GHRH: variants seen among roughly 807,000 people sequenced by gnomAD.
The protein encoded by GHRH is growth hormone releasing hormone.
A neutral mutation model predicts 15.6 loss-of-function variants in GHRH; 7 were observed. The observed-to-expected ratio is 0.45, with a 90% CI of 0.26 to 0.84. The LOEUF (loss-of-function observed/expected upper bound fraction) is 0.84, where lower values mean the gene tolerates loss of function less well. GHRH is among the 40% of genes least tolerant of loss of function. GHRH has a pLI of 0.18. For missense variants in GHRH, 117 were observed against 138.0 expected (o/e 0.85, Z 0.76); for synonymous variants, 54 against 50.4 (o/e 1.07, Z -0.30).
chr20:37,255,761 G>A (rs1181201452), intron 3 of GHRH, among the ~76,000 whole-genome samples: 3 of 151,898 alleles, frequency 2.0e-5, no homozygotes, highest in Non-Finnish European at 2.9e-5. Context: ...TGGGCAAGGT[G>A]GCTCACAACT....
chr20:37,256,719 C>A, intron 2 of GHRH, 88 bp downstream of exon 2: 1 of 1,067,562 alleles, frequency 9.4e-7, no homozygotes, highest in Non-Finnish European at 1.4e-6. Flanking sequence ...CAGGGCCCAG[C>A]TGATGGGCTG....
At chr20:37,257,965 A>T (rs768413902) in intron 1 of GHRH, among the ~76,000 whole-genome samples, 29 of 152,202 alleles carry the variant, frequency 1.9e-4, no homozygotes, top group Non-Finnish European at 3.8e-4. Context: ...CTTGCTCCAG[A>T]TGCTTAGATT....
In GHRH at chr20:37,260,399, C is replaced by CAAA. The variant is rs765888530; in HGVS notation, c.-20+1341_-20+1343dup. ...GCAACATGGCGAGACCCCATCTCTA[C>CAAA]AAAAAAAAAAACACACAAAACAAAA... On this transcript the variant is annotated intron_variant, in intron 1 of 4. Transcript: ENST00000373614. Among the ~76,000 whole-genome samples, 641 of 136,200 alleles carry CAAA rather than the reference C, an allele frequency of 4.7e-3. 4 individuals are homozygous for CAAA. Among genetic ancestry groups the CAAA allele is most frequent in the Admixed American group, 0.014 (187 of 13,782 alleles). 89.4% of individuals were successfully genotyped at this position (136,200 alleles called of 152,430 possible). A position where few individuals can be genotyped will look rare whatever the true frequency, so the allele number is the denominator to read the frequency against.
intron 1 of GHRH, among the ~76,000 whole-genome samples, chr20:37,257,371 C>G (rs1174069156): frequency 1.3e-5 from 2 of 152,070 alleles, no homozygotes; most frequent in Admixed American, 6.6e-5. Flanking sequence ...AAAAATAAGA[C>G]AGGAGTGGTG....
chr20:37,258,648 T>G lies in GHRH; in HGVS notation c.-19-1740A>C, dbSNP rs1257506248. On this transcript the variant is annotated intron_variant, in intron 1 of 4. Coordinates refer to ENST00000373614, the MANE Select transcript of GHRH (RefSeq NM_021081.6). This position sits in a 1 kb window ranked among gnomAD's most constrained non-coding sequence, Gnocchi z 4.1. ...GCATCCCCACAACACGCACACTGGCTGTCCTCCACTTCCTGCTCGAGTGAG... is the reference window on the plus strand; with the variant it reads ...GCATCCCCACAACACGCACACTGGCGGTCCTCCACTTCCTGCTCGAGTGAG... Among the ~76,000 whole-genome samples the G allele has an allele frequency of 6.6e-6, 1 of 152,236 alleles. No homozygotes were observed. Among genetic ancestry groups the G allele is most frequent in the Admixed American group, 6.5e-5 (1 of 15,290 alleles).
intron 3 of GHRH, among the ~76,000 whole-genome samples, chr20:37,254,622 A>C (rs1014734827): frequency 4.6e-5 from 7 of 152,194 alleles, no homozygotes. Context: ...CCATCTACCA[A>C]TAATCCACCA....
intron 1 of GHRH, among the ~76,000 whole-genome samples, chr20:37,260,380 T>C (rs1335145795): frequency 6.8e-6 from 1 of 147,166 alleles, no homozygotes; most frequent in Non-Finnish European, 1.5e-5. Context: ...CTGAGCAACA[T>C]GGCGAGACCC....
chr20:37,260,383 C>G (rs866241947), intron 1 of GHRH, among the ~76,000 whole-genome samples: 1 of 147,964 alleles, frequency 6.8e-6, no homozygotes, highest in East Asian at 1.9e-4. Context: ...AGCAACATGG[C>G]GAGACCCCAT....
At chr20:37,251,318 C>T (rs1240489217) in intron 4 of GHRH, 87 bp from the exon 5 acceptor site, 5 of 1,084,670 alleles carry the variant, frequency 4.6e-6, no homozygotes, top group East Asian at 5.2e-5. Context: ...GACGGGTGCT[C>T]CCGTGACAGG....
chr20:37,261,546 A>C (rs2068687433), intron 1 of GHRH, among the ~76,000 whole-genome samples, 197 bp downstream of exon 1: 1 of 152,158 alleles, frequency 6.6e-6, no homozygotes, highest in South Asian at 2.1e-4. Context: ...ACAAGCCCCA[A>C]ACAGCACCAT....
At chr20:37,256,969 G>A in intron 1 of GHRH, 61 bp from the exon 2 acceptor site, 1 of 1,039,974 alleles carries the variant, frequency 9.6e-7, no homozygotes. Context: ...GGCCTTCACT[G>A]GCCCAGCCCT....
chr20:37,256,604 TC>T, intron 2 of GHRH, 106 bp from the exon 3 acceptor site: 1 of 776,694 alleles, frequency 1.3e-6, no homozygotes, highest in Non-Finnish European at 2.1e-6. Context: ...TTGCCATCTG[TC>T]CCACTCACCC....
chr20:37,256,292 C>T, intron 3 of GHRH, 102 bp downstream of exon 3: 2 of 663,806 alleles, frequency 3.0e-6, no homozygotes, highest in East Asian at 5.6e-5. Context: ...ACTTGCTGTG[C>T]CAAGGAAGAG....
chr20:37,254,200 A>C lies in GHRH; in HGVS notation c.308+10T>G. The C allele has an allele frequency of 6.2e-7, 1 of 1,614,100 alleles. No homozygotes were observed. The highest frequency in any genetic ancestry group is 8.5e-7 in the Non-Finnish European group (1 of 1,179,990). ...AGTCCCTAGATGCACCCATGCACAC[A>C]CACCCATACCTGTGCTTCTGCAGCA... On this transcript the variant is annotated intron_variant, in intron 4 of 4. Coordinates refer to ENST00000373614, the MANE Select transcript of GHRH (RefSeq NM_021081.6).
At position 37,258,632 on chromosome 20, in the gene GHRH, CA is replaced by C. The variant is rs568307051; in HGVS notation, c.-19-1725del. Reference sequence around the variant, plus strand: ...TCCCTCCATGACATGAGCATCCCCACAACACGCACACTGGCTGTCCTCCACT... The same window carrying C: ...TCCCTCCATGACATGAGCATCCCCACACACGCACACTGGCTGTCCTCCACT... On this transcript the variant is annotated intron_variant, in intron 1 of 4. Coordinates refer to ENST00000373614, the MANE Select transcript of GHRH (RefSeq NM_021081.6). This position sits in a 1 kb window ranked among gnomAD's most constrained non-coding sequence, Gnocchi z 4.1. 1.8e-3 allele frequency among the ~76,000 whole-genome samples: 273 copies of C among 152,368 alleles called. 2 individuals are homozygous for C. Among genetic ancestry groups the C allele is most frequent in the Admixed American group, 0.014 (208 of 15,306 alleles).
chr20:37,258,684 C>G lies in GHRH; in HGVS notation c.-19-1776G>C, dbSNP rs2068671700. On this transcript the variant is annotated intron_variant, in intron 1 of 4. Transcript: ENST00000373614. This position sits in a 1 kb window ranked among gnomAD's most constrained non-coding sequence, Gnocchi z 4.1. The stretch of plus-strand genomic sequence containing the variant: ...TCCTGCTCGAGTGAGCACTTGCTGC[C>G]AGCGAATGACAGGGATCTCACTACC... Among the ~76,000 whole-genome samples, 1 of 152,192 alleles carries G rather than the reference C, an allele frequency of 6.6e-6. No individual in the cohort carries two copies. The highest frequency in any genetic ancestry group is 2.4e-5 in the African/African-American group (1 of 41,428).
chr20:37,259,769 T>C (rs758711959), intron 1 of GHRH, among the ~76,000 whole-genome samples: 1 of 152,196 alleles, frequency 6.6e-6, no homozygotes, highest in Admixed American at 6.5e-5. Flanking sequence ...GACAAGGACA[T>C]TTTCCATGAT....
Position 37,256,905 on chromosome 20 carries a change from G to A in GHRH, c.-16C>T. ...AGAGTGGCATCCTTCACCCGGGGTGGCACCTGCAGAGTGACAGGAGGGGAA... is the reference window on the plus strand; with the variant it reads ...AGAGTGGCATCCTTCACCCGGGGTGACACCTGCAGAGTGACAGGAGGGGAA... On this transcript the variant is annotated 5_prime_UTR_variant, in exon 2 of 5. Coordinates refer to ENST00000373614, the MANE Select transcript of GHRH (RefSeq NM_021081.6). 2 of 1,590,144 alleles carry A rather than the reference G, an allele frequency of 1.3e-6. No individual in the cohort carries two copies. The highest frequency in any genetic ancestry group is 1.3e-5 in the African/African-American group (1 of 74,776).
chr20:37,259,424 C>G (rs2068676174), intron 1 of GHRH, among the ~76,000 whole-genome samples: 1 of 152,166 alleles, frequency 6.6e-6, no homozygotes, highest in Admixed American at 6.5e-5. Context: ...AAGCAGGGCC[C>G]CTTGACAGAA....
Sources: allele counts gnomAD v4.1 joint callset (sites outside exome capture counted in the v4.1 genomes callset), GRCh38; gene constraint gnomAD v4.1.1; non-coding constraint Gnocchi (gnomAD v3.1); transcripts MANE v1.5; gene names NCBI Gene and HGNC (gene_info 2026-07-23, HGNC 2026-07-21).